LRRTM4: variants seen among roughly 807,000 people sequenced by gnomAD.
LRRTM4 encodes leucine-rich repeat transmembrane neuronal protein 4.
LRRTM4 carries 25 observed loss-of-function variants against 47.6 expected under a neutral mutation model. The ratio of observed to expected loss-of-function variants is 0.53; its 90% CI spans 0.38 to 0.73. The LOEUF is 0.73. Among genes scored for constraint, LRRTM4 ranks in the 30% least tolerant of loss-of-function variants. The probability of loss-of-function intolerance (pLI) is 0.00; values close to 1 mark genes in which losing one functional copy is unlikely to be tolerated. For synonymous variants in LRRTM4, 311 were observed against 269.5 expected (o/e 1.15, Z -1.51); for missense variants, 638 against 713.4 (o/e 0.89, Z 1.20).
At chr2:77,242,896 G>A (rs1313833761) in intron 3 of LRRTM4, among the ~76,000 whole-genome samples, 1 of 152,048 alleles carries the variant, frequency 6.6e-6, no homozygotes, top group Non-Finnish European at 1.5e-5. Flanking sequence ...AACTGTTAGA[G>A]TGGTCTTGAA....
intron 3 of LRRTM4, among the ~76,000 whole-genome samples, chr2:77,262,840 C>T (rs911218892): frequency 2.0e-5 from 3 of 151,892 alleles, no homozygotes; most frequent in African/African-American, 7.3e-5. Flanking sequence ...TCCTAGAGCT[C>T]TGAAAATTTC....
intron 3 of LRRTM4, among the ~76,000 whole-genome samples, chr2:76,763,530 G>A (rs560016437): frequency 6.6e-6 from 1 of 152,210 alleles, no homozygotes; most frequent in East Asian, 1.9e-4. Flanking sequence ...TGGACTTCCG[G>A]CTTCCAGAAC....
chr2:77,154,008 G>A (rs1203081873), intron 3 of LRRTM4, among the ~76,000 whole-genome samples: 1 of 152,170 alleles, frequency 6.6e-6, no homozygotes, highest in Non-Finnish European at 1.5e-5. Context: ...ACTGAGTACT[G>A]CTCTTAGTAT....
chr2:77,021,503 G>A (rs1266724793), intron 3 of LRRTM4, among the ~76,000 whole-genome samples: 2 of 152,152 alleles, frequency 1.3e-5, no homozygotes, highest in Non-Finnish European at 2.9e-5. Flanking sequence ...TACACATGAT[G>A]CAAGCAAAAA....
chr2:77,198,918 C>G (rs552893172), intron 3 of LRRTM4, among the ~76,000 whole-genome samples: 4 of 152,248 alleles, frequency 2.6e-5, no homozygotes, highest in Admixed American at 2.0e-4. Context: ...CACTACCTTC[C>G]GCAGACTGTA....
At chr2:76,787,819 CAGTT>C (rs1674761168) in intron 3 of LRRTM4, among the ~76,000 whole-genome samples, 2 of 152,120 alleles carry the variant, frequency 1.3e-5, no homozygotes, top group Admixed American at 1.3e-4. Context: ...AGGAAAAAGC[CAGTT>C]TCTGTCAGTT....
intron 3 of LRRTM4, among the ~76,000 whole-genome samples, chr2:77,043,900 C>T (rs536778544): frequency 6.7e-6 from 1 of 149,288 alleles, no homozygotes; most frequent in African/African-American, 2.5e-5. Flanking sequence ...AGCCCATAAA[C>T]AGGTAAAAAC....
chr2:76,858,402 C>G (rs1030785276), intron 3 of LRRTM4, among the ~76,000 whole-genome samples: 7 of 152,174 alleles, frequency 4.6e-5, no homozygotes, highest in Admixed American at 1.3e-4. Context: ...CTGCAGCCTG[C>G]CAGGCTTCCA....
At chr2:77,309,708 T>C (rs1009901951) in intron 3 of LRRTM4, among the ~76,000 whole-genome samples, 1 of 151,548 alleles carries the variant, frequency 6.6e-6, no homozygotes, top group Non-Finnish European at 1.5e-5. Context: ...GATAGATAGA[T>C]AGATAGATAG....
chr2:77,089,055 C>T (rs1253364429), intron 3 of LRRTM4, among the ~76,000 whole-genome samples: 1 of 152,116 alleles, frequency 6.6e-6, no homozygotes, highest in African/African-American at 2.4e-5. Context: ...AGGGACACCT[C>T]TCTGATTATA....
Position 77,470,938 on chromosome 2 carries a change from C to A in LRRTM4, c.1551+47380G>T, listed in dbSNP as rs561488153. Among the ~76,000 whole-genome samples the A allele has an allele frequency of 2.6e-5, 4 of 152,142 alleles. No homozygotes were observed. The South Asian group carries it at 6.2e-4, about 24-fold the overall frequency. ...ATCTAGTAATTTAATTTGCAGGACT[C>A]GCTATTAGGACCTCTTCTCTCTCAG... On this transcript the variant is annotated intron_variant, in intron 3 of 3. Transcript: ENST00000409884.
chr2:77,009,366 G>A (rs1013536574), intron 3 of LRRTM4: 7 of 152,012 alleles, frequency 4.6e-5, no homozygotes, highest in Non-Finnish European at 1.0e-4. Flanking sequence ...CTTAGAAGTT[G>A]AACACACATT....
intron 3 of LRRTM4, among the ~76,000 whole-genome samples, chr2:77,157,958 A>G (rs917080721): frequency 1.3e-5 from 2 of 152,166 alleles, no homozygotes; most frequent in African/African-American, 4.8e-5. Context: ...GATGGGTGGG[A>G]GAGAACTTCT....
chr2:76,972,906 AG>A (rs1003617820), intron 3 of LRRTM4, among the ~76,000 whole-genome samples: 60 of 152,080 alleles, frequency 3.9e-4, no homozygotes, highest in African/African-American at 1.4e-3. Context: ...AATACAAAAA[AG>A]GTTGTTAACT....
chr2:76,783,055 G>A (rs757848369), intron 3 of LRRTM4, among the ~76,000 whole-genome samples: 78 of 151,860 alleles, frequency 5.1e-4, no homozygotes, highest in Non-Finnish European at 8.2e-4. Context: ...AGATACACAT[G>A]CTTAGGTGCA....
chr2:76,787,412 A>ATACTT (rs1558652782), intron 3 of LRRTM4, among the ~76,000 whole-genome samples: 1 of 152,038 alleles, frequency 6.6e-6, no homozygotes, highest in East Asian at 1.9e-4. Context: ...TTGTGTTCTG[A>ATACTT]TACTTTATAC....
rs1295333932 is a variant in LRRTM4, at chr2:76,748,798, T to G, written c.1670A>C (p.Gln557Pro). Residue 557 changes from glutamine (Q) to proline (P), a missense_variant, in exon 4 of 4, where the codon CAG becomes CCG. Transcript: ENST00000409884. The stretch of plus-strand genomic sequence containing the variant: ...CAGCTCCAGGCCGGGGCTTTCGTCC[T>G]GCTCTGGAGACACTGTCTCATAGCC... ...TKGYETVSPE[Q>P]DESPGLELGR... is the part of the protein sequence containing the mutation. 7.4e-6 allele frequency: 12 copies of G among 1,613,942 alleles called. No homozygotes were observed. The highest frequency in any genetic ancestry group is 1.0e-5 in the Non-Finnish European group (12 of 1,179,910).
chr2:77,063,843 T>C (rs190050394), intron 3 of LRRTM4, among the ~76,000 whole-genome samples: 12 of 152,232 alleles, frequency 7.9e-5, no homozygotes, highest in African/African-American at 2.9e-4. Flanking sequence ...TCTTCCCCCA[T>C]CCCATCAATT....
chr2:77,283,778 C>T (rs1676571470), intron 3 of LRRTM4, among the ~76,000 whole-genome samples: 2 of 151,906 alleles, frequency 1.3e-5, no homozygotes, highest in South Asian at 2.1e-4. Flanking sequence ...ACATTAGATA[C>T]TCATGGACTT....
Sources: gnomAD v4.1 joint callset for allele counts (sites outside exome capture counted in the v4.1 genomes callset) on GRCh38, gnomAD v4.1.1 for gene constraint, MANE v1.5 for transcripts, NCBI Gene and HGNC (gene_info 2026-07-23, HGNC 2026-07-21) for gene names.